The following SMIM10L3 variants were observed in gnomAD, a reference collection of about 807,000 sequenced individuals.
SMIM10L3 encodes small integral membrane protein 10 like 3.
chr7:6,336,738 C>G, the SMIM10L3 span, among the ~76,000 whole-genome samples: 13 of 151,934 alleles, frequency 8.6e-5, no homozygotes, highest in East Asian at 2.5e-3. Flanking sequence ...ACTGCAGCCT[C>G]GACTTCCTCA....
the SMIM10L3 span, among the ~76,000 whole-genome samples, chr7:6,335,513 C>T: frequency 6.8e-6 from 1 of 148,116 alleles, no homozygotes; most frequent in Non-Finnish European, 1.5e-5. Flanking sequence ...CAGGTGTGAG[C>T]CTCCGTGCCC....
At chr7:6,338,852 C>G in the SMIM10L3 span, among the ~76,000 whole-genome samples, 3 of 152,140 alleles carry the variant, frequency 2.0e-5, no homozygotes, top group African/African-American at 7.2e-5. Flanking sequence ...AAGGCTAGTC[C>G]CAAAGGGGAG....
chr7:6,331,738 C>CTTTT, the SMIM10L3 span, among the ~76,000 whole-genome samples: 4 of 117,760 alleles, frequency 3.4e-5, no homozygotes, highest in Admixed American at 1.8e-4. Flanking sequence ...ATAATAGAGG[C>CTTTT]TTTTTTTTTT....
At chr7:6,334,216 C>G in the SMIM10L3 span, among the ~76,000 whole-genome samples, 1 of 151,586 alleles carries the variant, frequency 6.6e-6, no homozygotes, top group East Asian at 2.0e-4. Context: ...GTGTGTACCA[C>G]TGTACCCAGC....
At chr7:6,333,924 A>G in the SMIM10L3 span, among the ~76,000 whole-genome samples, 456 of 145,572 alleles carry the variant, frequency 3.1e-3, 2 homozygotes, top group African/African-American at 9.7e-3. Flanking sequence ...TCAGCTCACT[A>G]AAAGCTCCAC....
chr7:6,331,693 T>A, the SMIM10L3 span, among the ~76,000 whole-genome samples: 1 of 151,526 alleles, frequency 6.6e-6, no homozygotes, highest in Non-Finnish European at 1.5e-5. Flanking sequence ...TGGAGAACAT[T>A]TCGTGGGCTT....
chr7:6,333,822 G>T, the SMIM10L3 span, among the ~76,000 whole-genome samples: 2 of 147,136 alleles, frequency 1.4e-5, no homozygotes, highest in African/African-American at 5.0e-5. Flanking sequence ...GCCTAGAATG[G>T]TCTCGAACTC....
chr7:6,329,938 T>A, the SMIM10L3 span: 2 of 174,412 alleles, frequency 1.1e-5, no homozygotes, highest in African/African-American at 2.4e-5. Context: ...TGGTAACAGC[T>A]TACCACGAAT....
chr7:6,348,715 G>A, the SMIM10L3 span: 8 of 420,524 alleles, frequency 1.9e-5, no homozygotes, highest in East Asian at 1.8e-4. Flanking sequence ...GGCGGCGGCC[G>A]AGCGCGAGAG....
At chr7:6,339,657 G>C in the SMIM10L3 span, among the ~76,000 whole-genome samples, 1 of 151,576 alleles carries the variant, frequency 6.6e-6, no homozygotes, top group African/African-American at 2.4e-5. Flanking sequence ...GTAATGTTTT[G>C]TATTTTTAGT....
chr7:6,343,639 C>T, the SMIM10L3 span, among the ~76,000 whole-genome samples: 1 of 151,790 alleles, frequency 6.6e-6, no homozygotes, highest in African/African-American at 2.4e-5. Context: ...ATGCTAAGAA[C>T]TCCAGGAGAT....
chr7:6,339,530 C>T, the SMIM10L3 span, among the ~76,000 whole-genome samples: 1,204 of 151,948 alleles, frequency 7.9e-3, 11 homozygotes, highest in East Asian at 0.054. Context: ...GTCGCCCAGG[C>T]TGGAGTGCAG....
chr7:6,347,491 G>C, the SMIM10L3 span, among the ~76,000 whole-genome samples: 40 of 151,536 alleles, frequency 2.6e-4, no homozygotes, highest in African/African-American at 7.5e-4. Flanking sequence ...ACTCCAGCTT[G>C]GGCAAGAGTA....
chr7:6,345,319 T>G, the SMIM10L3 span, among the ~76,000 whole-genome samples: 2 of 151,972 alleles, frequency 1.3e-5, no homozygotes, highest in Non-Finnish European at 2.9e-5. Context: ...CTTGCTGTGT[T>G]GCCCAGGCTG....
the SMIM10L3 span, among the ~76,000 whole-genome samples, chr7:6,336,889 A>G: frequency 1.3e-5 from 2 of 151,656 alleles, no homozygotes; most frequent in Non-Finnish European, 3.0e-5. Flanking sequence ...CCTGGGCTCA[A>G]GTGATCCGCC....
At chr7:6,343,313 G>C in the SMIM10L3 span, among the ~76,000 whole-genome samples, 1 of 149,122 alleles carries the variant, frequency 6.7e-6, no homozygotes, top group Admixed American at 6.8e-5. Context: ...GGAAGCGGAG[G>C]TTGCAGTGAT....
the SMIM10L3 span, among the ~76,000 whole-genome samples, chr7:6,347,883 TTTATTATTATTATTATTATTATTA>T: frequency 7.6e-6 from 1 of 131,538 alleles, no homozygotes; most frequent in African/African-American, 2.8e-5. Flanking sequence ...ACGAGACCCC[TTTATTATTATTATTATTATTATTA>T]TTATTATTAT....
the SMIM10L3 span, chr7:6,331,053 C>T: frequency 6.2e-7 from 1 of 1,613,900 alleles, no homozygotes; most frequent in Non-Finnish European, 8.5e-7. Context: ...GGCCCTCCGG[C>T]ATTCTTTTCT....
At chr7:6,338,233 G>A in the SMIM10L3 span, among the ~76,000 whole-genome samples, 2 of 152,012 alleles carry the variant, frequency 1.3e-5, no homozygotes, top group African/African-American at 2.4e-5. Context: ...ATAATTTCTA[G>A]GCATATTTAA....
Sources: gnomAD v4.1 joint callset for allele counts (sites outside exome capture counted in the v4.1 genomes callset) on GRCh38, gnomAD v4.1.1 for gene constraint, MANE v1.5 for transcripts, NCBI Gene and HGNC (gene_info 2026-07-23, HGNC 2026-07-21) for gene names.